The following KLHL29 variants were observed in gnomAD, a reference collection of about 807,000 sequenced individuals.
KLHL29 encodes the protein kelch-like protein 29.
A neutral mutation model predicts 80.4 loss-of-function variants in KLHL29; 21 were observed. The ratio of observed to expected loss-of-function variants is 0.26; its 90% confidence interval spans 0.19 to 0.38. KLHL29 has a LOEUF of 0.38. Among genes scored for constraint, KLHL29 ranks in the 10% least tolerant of loss-of-function variants. The pLI is 1.00. For missense variants in KLHL29, 867 were observed against 1,223.9 expected, an observed-to-expected ratio of 0.71 and a Z score of 4.35; for synonymous variants, 511 against 526.8, an observed-to-expected ratio of 0.97 and a Z score of 0.41.
intron 1 of KLHL29, among the ~76,000 whole-genome samples, chr2:23,441,717 C>CAA (rs1447203125): frequency 6.6e-6 from 1 of 152,182 alleles, no homozygotes; most frequent in Non-Finnish European, 1.5e-5. Context: ...ACTGGGAACT[C>CAA]AACTGCTGCT....
chr2:23,494,579 T>C (rs1665201734), intron 2 of KLHL29, among the ~76,000 whole-genome samples: 1 of 152,288 alleles, frequency 6.6e-6, no homozygotes, highest in East Asian at 1.9e-4. Context: ...GTTTCCAAGA[T>C]ATAGGACTGC....
At chr2:23,566,452 A>G (rs1299389916) in intron 3 of KLHL29, among the ~76,000 whole-genome samples, 1 of 152,278 alleles carries the variant, frequency 6.6e-6, no homozygotes, top group East Asian at 1.9e-4. Context: ...GCTGCCTGGT[A>G]GAGCATTCAC....
intron 8 of KLHL29, among the ~76,000 whole-genome samples, chr2:23,694,565 T>A (rs1369921032): frequency 6.6e-6 from 1 of 152,236 alleles, no homozygotes; most frequent in Non-Finnish European, 1.5e-5. Flanking sequence ...GCAGTCCTTG[T>A]TGAGCATGAG....
chr2:23,684,641 G>T lies in KLHL29; in HGVS notation c.1079+104G>T. 9.9e-7 allele frequency: 1 copy of T among 1,006,790 alleles called. No homozygotes were observed. The allele number at this position is 1,006,790 out of a possible 1,614,324, so 62.4% of individuals were successfully genotyped here. A position where few individuals can be genotyped will look rare whatever the true frequency, so the allele number is the denominator to read the frequency against. On this transcript the variant is annotated intron_variant, in intron 6 of 13. Transcript: ENST00000486442. The surrounding 1 kb of genome is among the most constrained non-coding windows in gnomAD (Gnocchi z 4.4). ...GCAGGTTCCTGAAGCGTGACTCCCT[G>T]TCACAGAGCCAGTAGCCATCTCTCC... is the stretch of plus-strand genomic sequence containing the variant.
At chr2:23,461,298 A>G (rs573769950) in intron 1 of KLHL29, among the ~76,000 whole-genome samples, 1 of 152,354 alleles carries the variant, frequency 6.6e-6, no homozygotes, top group African/African-American at 2.4e-5. Flanking sequence ...GACTGGGCGT[A>G]TAAACAAACA....
At chr2:23,591,559 A>G (rs962883264) in intron 3 of KLHL29, among the ~76,000 whole-genome samples, 4 of 137,428 alleles carry the variant, frequency 2.9e-5, no homozygotes, top group Non-Finnish European at 4.6e-5. Flanking sequence ...TACCCCCCAC[A>G]GCCAGTGACT....
intron 2 of KLHL29, among the ~76,000 whole-genome samples, chr2:23,556,652 CA>C (rs397687330): frequency 4.3e-4 from 57 of 132,528 alleles, no homozygotes; most frequent in Non-Finnish European, 4.3e-4. Flanking sequence ...GACTCCATCT[CA>C]AAAAAAAAAA....
chr2:23,601,786 G>C (rs1668578238), intron 3 of KLHL29, among the ~76,000 whole-genome samples: 1 of 152,206 alleles, frequency 6.6e-6, no homozygotes, highest in Non-Finnish European at 1.5e-5. Context: ...ACATGATCTT[G>C]TCTGATGGAG....
At chr2:23,463,451 TGAG>T (rs1487559971) in intron 1 of KLHL29, among the ~76,000 whole-genome samples, 2 of 152,168 alleles carry the variant, frequency 1.3e-5, no homozygotes, top group East Asian at 3.8e-4. Context: ...TGAGGGCTAA[TGAG>T]GGAGGAGGGA....
chr2:23,685,795 G>A lies in KLHL29; in HGVS notation c.1079+1258G>A, dbSNP rs373915077. Among the ~76,000 whole-genome samples the A allele has an allele frequency of 8.5e-5, 13 of 152,352 alleles. No individual in the cohort carries two copies. The East Asian group carries it at 1.9e-3, about 23-fold the overall frequency. ...TGTCTAGTGGCCTCACCAGGCCAGG[G>A]AGGACTCTGTGCTGCCACTCTTGAC... is the stretch of plus-strand genomic sequence containing the variant. On this transcript the variant is annotated intron_variant, in intron 6 of 13. Coordinates refer to ENST00000486442, the MANE Select transcript of KLHL29 (RefSeq NM_052920.2).
intron 2 of KLHL29, among the ~76,000 whole-genome samples, chr2:23,533,956 C>A (rs1453598142): frequency 2.7e-5 from 4 of 146,300 alleles, no homozygotes; most frequent in African/African-American, 7.5e-5. Flanking sequence ...TTTAAAGAAA[C>A]GTGTGCGCTA....
At chr2:23,611,954 C>T (rs542661116) in intron 3 of KLHL29, among the ~76,000 whole-genome samples, 1 of 148,868 alleles carries the variant, frequency 6.7e-6, no homozygotes, top group African/African-American at 2.5e-5. Flanking sequence ...AAAGAGAGAC[C>T]AGAGAAAAAA....
intron 3 of KLHL29, among the ~76,000 whole-genome samples, chr2:23,604,577 G>C (rs1668657660): frequency 1.3e-5 from 2 of 152,074 alleles, no homozygotes; most frequent in African/African-American, 4.8e-5. Flanking sequence ...GGTGGCCTTG[G>C]GGGGCTTTTC....
Position 23,552,761 on chromosome 2 carries a change from C to CTTTTTTTTTTTTTTTTTTTTTTT in KLHL29, c.-45-9374_-45-9373insTTTTTTTTTTTTTTTTTTTTTTT, listed in dbSNP as rs60558023. ...CACGGCTATAGCTCTGGTTTCTTTT[C>CTTTTTTTTTTTTTTTTTTTTTTT]TTTTTTTTTTTTTTTTTGAGATGGC... On this transcript the variant is annotated intron_variant, in intron 2 of 13. Transcript: ENST00000486442. Among the ~76,000 whole-genome samples, 13 of 95,542 alleles carry CTTTTTTTTTTTTTTTTTTTTTTT rather than the reference C, an allele frequency of 1.4e-4. 2 individuals are homozygous for CTTTTTTTTTTTTTTTTTTTTTTT. The highest frequency in any genetic ancestry group is 4.7e-4 in the African/African-American group (10 of 21,208). The allele number at this position is 95,542 out of a possible 152,430, so 62.7% of individuals were successfully genotyped here. A position where few individuals can be genotyped will look rare whatever the true frequency, so the allele number is the denominator to read the frequency against.
At chr2:23,578,286 G>A (rs879327660) in intron 3 of KLHL29, among the ~76,000 whole-genome samples, 5 of 152,300 alleles carry the variant, frequency 3.3e-5, no homozygotes, top group Admixed American at 1.3e-4. Flanking sequence ...CCTGCACAGC[G>A]ATGGGATTAG....
rs536148316 is a variant in KLHL29 at position 23,539,383 on chromosome 2, A to G, written c.-45-22769A>G. Reference sequence around the variant, plus strand: ...GTCTGTATATAAGAAAAATGAGACAATAATAATCCTAGCAGACTGATGATG... The same window carrying G: ...GTCTGTATATAAGAAAAATGAGACAGTAATAATCCTAGCAGACTGATGATG... On this transcript the variant is annotated intron_variant, in intron 2 of 13. Transcript: ENST00000486442. 3.9e-5 allele frequency among the ~76,000 whole-genome samples: 6 copies of G among 151,920 alleles called. No individual in the cohort carries two copies. In the East Asian group the frequency reaches 1.2e-3, roughly 29 times the overall value.
chr2:23,662,402 C>A (rs900477264), intron 5 of KLHL29, among the ~76,000 whole-genome samples: 5 of 152,230 alleles, frequency 3.3e-5, no homozygotes, highest in African/African-American at 1.2e-4. Flanking sequence ...GTTCCTCTTT[C>A]TCCTGGAGGC....
At position 23,677,966 on chromosome 2, in the gene KLHL29, A is replaced by G. The variant is rs917863506; in HGVS notation, c.941-6433A>G. The stretch of plus-strand genomic sequence containing the variant: ...CTGAAAAAAATGATTTGGCCACACA[A>G]CCTTTCTCAAGGCTCTGATTTAATG... On this transcript the variant is annotated intron_variant, in intron 5 of 13. Coordinates refer to ENST00000486442, the MANE Select transcript of KLHL29 (RefSeq NM_052920.2). 2.2e-4 allele frequency among the ~76,000 whole-genome samples: 34 copies of G among 152,136 alleles called. 1 individual carries two copies. The highest frequency in any genetic ancestry group is 1.3e-4 in the Admixed American group (2 of 15,268).
chr2:23,416,366 A>G (rs1666984385), intron 1 of KLHL29, among the ~76,000 whole-genome samples: 1 of 152,148 alleles, frequency 6.6e-6, no homozygotes. Flanking sequence ...CTCTCTCAGA[A>G]TGGACAGGAC....
Sources: gnomAD v4.1 joint callset for allele counts (sites outside exome capture counted in the v4.1 genomes callset) on GRCh38, gnomAD v4.1.1 for gene constraint, Gnocchi (gnomAD v3.1) non-coding constraint, MANE v1.5 for transcripts, NCBI Gene and HGNC (gene_info 2026-07-23, HGNC 2026-07-21) for gene names.